ARAF: variants seen among roughly 807,000 people sequenced by gnomAD.
ARAF encodes the protein A-Raf proto-oncogene, serine/threonine kinase, also known as serine/threonine-protein kinase A-Raf.
ARAF carries 18 observed loss-of-function variants against 48.0 expected under a neutral mutation model. The ratio of observed to expected loss-of-function variants is 0.37; its 90% CI spans 0.26 to 0.56. The LOEUF is 0.56. Among genes scored for constraint, ARAF ranks in the 20% least tolerant of loss-of-function variants. The pLI, the probability that ARAF is intolerant of heterozygous loss-of-function variation, is 0.77. For synonymous variants in ARAF, 207 were observed against 220.1 expected (o/e 0.94, Z 0.53); for missense variants, 389 against 543.1 (o/e 0.72, Z 2.82).
chrX:47,565,210 C>A (rs766074870), intron 5 of ARAF, 42 bp from the exon 6 acceptor site: 1 of 1,208,721 alleles, frequency 8.3e-7, no homozygotes, highest in Admixed American at 2.2e-5. Flanking sequence ...TTACAGACAG[C>A]TGACCCGTGT....
chrX:47,561,949 C>T (rs1297833666), intron 1 of ARAF, among the ~76,000 whole-genome samples: 1 of 99,714 alleles, frequency 1.0e-5, no homozygotes, highest in Non-Finnish European at 2.0e-5. Context: ...TTACATCTCC[C>T]TTCCGCATAG....
At position 47,571,686 on chromosome X, in the gene ARAF, T is replaced by C. The variant is rs1159542052; in HGVS notation, c.*229T>C. Reference sequence around the variant, plus strand: ...CCATCATTTGGTTTCCTCTTGGCTTTGGGGATACTTCTAAATTTTGGGAGC... The same window carrying C: ...CCATCATTTGGTTTCCTCTTGGCTTCGGGGATACTTCTAAATTTTGGGAGC... On this transcript the variant is annotated 3_prime_UTR_variant, in exon 16 of 16. Coordinates refer to ENST00000377045, the MANE Select transcript of ARAF (RefSeq NM_001654.5). The C allele has an allele frequency of 6.9e-6, 3 of 432,302 alleles. No homozygotes were observed. The highest frequency in any genetic ancestry group is 1.1e-5 in the Non-Finnish European group (3 of 267,930). The allele number at this position is 432,302 out of a possible 1,213,427, so 35.6% of individuals were successfully genotyped here.
chrX:47,562,501 G>GA (rs751373820), intron 1 of ARAF, among the ~76,000 whole-genome samples: 1,209 of 67,303 alleles, frequency 0.018, 13 homozygotes, highest in African/African-American at 0.029. Context: ...AAAAAAAACA[G>GA]AAAAAAAAAA....
At chrX:47,566,569 G>A (rs907234792) in intron 6 of ARAF, 70 bp from the exon 7 acceptor site, 1 of 1,053,041 alleles carries the variant, frequency 9.5e-7, no homozygotes, top group Non-Finnish European at 1.3e-6. Context: ...GTTTATGGCT[G>A]GGGGTGGGGT....
Position 47,571,346 on chromosome X carries a change from G to A in ARAF, c.1710G>A (p.Leu570=). The A allele has an allele frequency of 8.3e-7, 1 of 1,210,744 alleles. No homozygotes were observed. Among genetic ancestry groups the A allele is most frequent in the East Asian group, 3.0e-5 (1 of 33,807 alleles). ...FPQILATIEL[L]QRSLPKIERS... is the part of the protein sequence containing the mutation. ...AGATCCTGGCCACAATTGAGCTGCT[G>A]CAACGGTCACTCCCCAAGATTGAGC... The change falls in exon 16 of 16, where the codon CTG becomes CTA. Residue 570 remains leucine (L), a synonymous_variant. Transcript: ENST00000377045.
chrX:47,563,386 C>CAGAAGG, intron 3 of ARAF, 57 bp downstream of exon 3: 1 of 911,228 alleles, frequency 1.1e-6, no homozygotes, highest in Non-Finnish European at 1.6e-6. Flanking sequence ...ATCCCCTCCT[C>CAGAAGG]AGTCATTTGA....
intron 14 of ARAF, 166 bp downstream of exon 14, chrX:47,570,190 T>A: frequency 1.7e-6 from 1 of 583,049 alleles, no homozygotes. Context: ...ACACTTACAA[T>A]AAATTCTCTG....
chrX:47,566,825 T>G (rs2057735166), intron 7 of ARAF, 45 bp downstream of exon 7: 1 of 1,209,523 alleles, frequency 8.3e-7, no homozygotes, highest in Non-Finnish European at 1.1e-6. Flanking sequence ...GGGCAGAGGG[T>G]AGAGCCATCC....
rs2147906421 is a variant in ARAF, at chrX:47,566,979, A to G, written c.728-7A>G. Reference sequence around the variant, plus strand: ...TACCTCCACTCACATCCTCTCTGCAACTGCAGCTGCCGGTAGTAGAGGAGG... The same window carrying G: ...TACCTCCACTCACATCCTCTCTGCAGCTGCAGCTGCCGGTAGTAGAGGAGG... On this transcript the variant is annotated splice_region_variant and splice_polypyrimidine_tract_variant and intron_variant, in intron 8 of 15. Transcript: ENST00000377045. 1 of 1,211,317 alleles carries G rather than the reference A, an allele frequency of 8.3e-7. No individual in the cohort carries two copies. The highest frequency in any genetic ancestry group is 1.1e-6 in the Non-Finnish European group (1 of 895,390).
intron 4 of ARAF, 36 bp downstream of exon 4, chrX:47,564,935 T>G (rs767445776): frequency 2.0e-5 from 24 of 1,210,101 alleles, no homozygotes; most frequent in East Asian, 5.9e-5. Flanking sequence ...TGGACCATGG[T>G]TGGGGGTGTC....
In ARAF at chrX:47,567,095, C is replaced by T. The variant is rs370587460; in HGVS notation, c.837C>T (p.Arg279=). 3.4e-5 allele frequency: 41 copies of T among 1,210,111 alleles called. No individual in the cohort carries two copies. Among genetic ancestry groups the T allele is most frequent in the Admixed American group, 1.1e-4 (5 of 45,832 alleles). The change falls in exon 9 of 16, where the codon CGC becomes CGT. Residue 279 remains arginine (R), a synonymous_variant. Coordinates refer to ENST00000377045, the MANE Select transcript of ARAF (RefSeq NM_001654.5). ...ATTCCAAGTCACCAGCAGAGCAGCG[C>T]GAGCGGAAGTCCTTGGCCGATGACA... is the stretch of plus-strand genomic sequence containing the variant. ...SPHSKSPAEQ[R]ERKSLADDKK...
Position 47,568,710 on chromosome X carries a change from G to C in ARAF, c.1077-8G>C, listed in dbSNP as rs898619104. 1.7e-6 allele frequency: 2 copies of C among 1,208,884 alleles called. No homozygotes were observed. The highest frequency in any genetic ancestry group is 4.6e-4 in the Middle Eastern group (2 of 4,349). ...CCCCACCTCTGACACTGCCCTCCCT[G>C]CCTGCAGGAAGACGCGACATGTCAA... On this transcript the variant is annotated splice_polypyrimidine_tract_variant and splice_region_variant and intron_variant, in intron 10 of 15. Transcript: ENST00000377045.
In ARAF at chrX:47,567,117, G is replaced by A. The variant is rs140123739; in HGVS notation, c.859G>A (p.Asp287Asn). The A allele has an allele frequency of 2.9e-4, 348 of 1,209,774 alleles. 1 individual carries two copies. In the African/African-American group the frequency reaches 5.6e-3, roughly 19 times the overall value. Residue 287 changes from aspartate to asparagine, a missense_variant, in exon 9 of 16, where the codon GAC becomes AAC. Asp to Asn is a conservative substitution (Grantham distance 23). Around this residue, in one of 4 missense-constraint regions of ARAF, gnomAD observed 154 missense variants for 133.6 expected, o/e 1.15. Coordinates refer to ENST00000377045, the MANE Select transcript of ARAF (RefSeq NM_001654.5). ...EQRERKSLAD[D>N]KKKVKNLGYR... ...GCGCGAGCGGAAGTCCTTGGCCGATGACAAGAAGAAAGTGGTATGCTCGAG... is the reference window on the plus strand; with the variant it reads ...GCGCGAGCGGAAGTCCTTGGCCGATAACAAGAAGAAAGTGGTATGCTCGAG...
intron 12 of ARAF, 99 bp downstream of exon 12, chrX:47,569,132 G>T: frequency 9.7e-7 from 1 of 1,033,887 alleles, no homozygotes; most frequent in Non-Finnish European, 1.3e-6. Context: ...AGGGGCATGT[G>T]TCCCAGAGCT....
chrX:47,562,880 C>A, intron 1 of ARAF, 29 bp from the exon 2 acceptor site: 1 of 712,036 alleles, frequency 1.4e-6, no homozygotes, highest in Non-Finnish European at 2.1e-6. Context: ...CATTATTGGA[C>A]CTCTGAATTC....
intron 5 of ARAF, 36 bp from the exon 6 acceptor site, chrX:47,565,216 C>T (rs2071776): frequency 0.24 from 290,105 of 1,205,364 alleles, 25,597 homozygotes; most frequent in African/African-American, 0.43. Flanking sequence ...ACAGCTGACC[C>T]GTGTCCCCTT....
Position 47,569,618 on chromosome X carries a change from C to T in ARAF, c.1380C>T (p.Ala460=), listed in dbSNP as rs1306432236. The change falls in exon 13 of 16, where the codon GCC becomes GCT. Residue 460 remains alanine (A), a synonymous_variant. Coordinates refer to ENST00000377045, the MANE Select transcript of ARAF (RefSeq NM_001654.5). ...CAGTGAAGACTCGATGGAGCGGGGC[C>T]CAGCCCTTGGAGCAGCCCTCAGGAT... ...LATVKTRWSG[A]QPLEQPSGSV... 8.3e-7 allele frequency: 1 copy of T among 1,207,642 alleles called. No individual in the cohort carries two copies. The highest frequency in any genetic ancestry group is 1.1e-6 in the Non-Finnish European group (1 of 894,135).
intron 3 of ARAF, among the ~76,000 whole-genome samples, chrX:47,564,085 C>T (rs2057721922): frequency 8.9e-6 from 1 of 112,346 alleles, no homozygotes; most frequent in South Asian, 3.7e-4. Context: ...AATACTTTCC[C>T]ACCCGGTTGA....
intron 14 of ARAF, chrX:47,570,275 C>T: frequency 2.9e-6 from 1 of 344,257 alleles, no homozygotes; most frequent in Non-Finnish European, 5.1e-6. Flanking sequence ...GTCCAAAATG[C>T]CCCGAATCTC....
Sources: gnomAD v4.1 joint callset for allele counts (sites outside exome capture counted in the v4.1 genomes callset) on GRCh38, gnomAD v4.1.1 for gene constraint, gnomAD v4.1.1 regional missense constraint, MANE v1.5 for transcripts, NCBI Gene and HGNC (gene_info 2026-07-23, HGNC 2026-07-21) for gene names.